MTFR1: variants seen among roughly 807,000 people sequenced by gnomAD.
The protein encoded by MTFR1 is mitochondrial fission regulator 1.
MTFR1 carries 28 observed loss-of-function variants against 38.8 expected under a neutral mutation model. That is an observed-to-expected ratio of 0.72 (90% CI 0.53 to 0.99). The LOEUF is 0.99. MTFR1 is among the 50% of genes least tolerant of loss of function. The pLI is 0.00. For synonymous variants in MTFR1, 145 were observed against 137.0 expected (o/e 1.06, Z -0.41); for missense variants, 358 against 395.5 (o/e 0.91, Z 0.81).
Position 65,733,400 on chromosome 8 carries a change from C to A in MTFR1, c.*48+13919C>A, listed in dbSNP as rs1369730991. Among the ~76,000 whole-genome samples, 4 of 152,268 alleles carry A rather than the reference C, an allele frequency of 2.6e-5. No homozygotes were observed. The East Asian group carries it at 7.7e-4, about 29-fold the overall frequency. On this transcript the variant is annotated intron_variant, in intron 3 of 3. Coordinates refer to the MTFR1 transcript ENST00000521247. ...GATTGTATGGTGATTACTCATCAAT[C>A]TCTCCCACAACATTCTCAAACAGAG... is the stretch of plus-strand genomic sequence containing the variant.
intron 3 of MTFR1, among the ~76,000 whole-genome samples, chr8:65,692,786 T>C (rs1047161642): frequency 6.6e-6 from 1 of 152,032 alleles, no homozygotes; most frequent in Admixed American, 6.6e-5. Flanking sequence ...AAAAAACATT[T>C]TCAACATTAT....
intron 3 of MTFR1, among the ~76,000 whole-genome samples, chr8:65,762,418 TGACATG>T: frequency 6.6e-6 from 1 of 152,310 alleles, no homozygotes; most frequent in Middle Eastern, 3.4e-3. Context: ...CAGCACGTGC[TGACATG>T]GAGAGGCAGA....
At chr8:65,679,271 G>T (rs1026603663) in intron 2 of MTFR1, among the ~76,000 whole-genome samples, 6 of 152,134 alleles carry the variant, frequency 3.9e-5, no homozygotes, top group East Asian at 1.9e-4. Context: ...ACTTACTTTT[G>T]CCCTATGGAT....
chr8:65,719,230 G>C (rs1340981425), intron 2 of MTFR1: 12 of 1,138,428 alleles, frequency 1.1e-5, no homozygotes, highest in Non-Finnish European at 1.5e-5. Context: ...CTCACCTCAA[G>C]ACCCCATTTC....
At position 65,709,043 on chromosome 8, in the gene MTFR1, A is replaced by G; in HGVS notation, c.1001A>G (p.Ter334=). The G allele has an allele frequency of 6.2e-7, 1 of 1,613,908 alleles. No homozygotes were observed. Among genetic ancestry groups the G allele is most frequent in the Non-Finnish European group, 8.5e-7 (1 of 1,179,786 alleles). Residue 334 remains the stop codon, a stop_retained_variant, in exon 8 of 8, where the codon TAA becomes TGA. Transcript: ENST00000262146. ...KALIENVSDS[*] is the part of the protein sequence containing the mutation. ...TTAATTGAAAATGTATCAGACTCCT[A>G]ATAGACAATGAGCTGCGAAAAGACT... is the stretch of plus-strand genomic sequence containing the variant.
chr8:65,682,463 T>C lies in MTFR1; in HGVS notation c.165+12T>C. ...GAGTTCAGTTTCAGGTATTATATTT[T>C]ATATATTTTAAGTATTTTATTAATA... On this transcript the variant is annotated intron_variant, in intron 3 of 7. Transcript: ENST00000262146. 7.8e-7 allele frequency: 1 copy of C among 1,282,532 alleles called. No individual in the cohort carries two copies. Among genetic ancestry groups the C allele is most frequent in the South Asian group, 2.0e-5 (1 of 50,608 alleles). The allele number at this position is 1,282,532 out of a possible 1,614,324, so 79.4% of individuals were successfully genotyped here. A position where few individuals can be genotyped will look rare whatever the true frequency, so the allele number is the denominator to read the frequency against.
downstream of MTFR1, among the ~76,000 whole-genome samples, chr8:65,771,856 C>CTGGG: frequency 8.5e-6 from 1 of 117,000 alleles, no homozygotes. Context: ...GCCTGGGCAA[C>CTGGG]AGATCGAGAC....
downstream of MTFR1, among the ~76,000 whole-genome samples, chr8:65,713,485 A>ACACACACAC (rs1169373621): frequency 2.9e-3 from 346 of 119,442 alleles, no homozygotes; most frequent in African/African-American, 8.7e-3. Flanking sequence ...CACACACACA[A>ACACACACAC]ACAAAACAAA....
intron 3 of MTFR1, chr8:65,726,820 G>T: frequency 1.1e-6 from 1 of 893,296 alleles, no homozygotes; most frequent in Non-Finnish European, 1.8e-6. Context: ...AAATTACTTT[G>T]CCAACTTAAC....
At chr8:65,653,405 G>T (rs1384301583) in intron 1 of MTFR1, among the ~76,000 whole-genome samples, 1 of 152,052 alleles carries the variant, frequency 6.6e-6, no homozygotes, top group Non-Finnish European at 1.5e-5. Flanking sequence ...CCAGCTTCTC[G>T]GGAGGCTGAG....
At chr8:65,736,790 G>GT (rs34814975) in intron 3 of MTFR1, among the ~76,000 whole-genome samples, 85,438 of 128,802 alleles carry the variant, frequency 0.66, 29,367 homozygotes, top group Non-Finnish European at 0.78. Context: ...AAATTTATCT[G>GT]TTTTTTTTTT....
chr8:65,750,975 C>T (rs1021637835), intron 3 of MTFR1, among the ~76,000 whole-genome samples: 1 of 152,102 alleles, frequency 6.6e-6, no homozygotes, highest in Non-Finnish European at 1.5e-5. Context: ...CATAAAGAAA[C>T]CTACATAACA....
intron 2 of MTFR1, chr8:65,679,770 A>T (rs1032484476): frequency 2.0e-5 from 3 of 152,122 alleles, no homozygotes; most frequent in Non-Finnish European, 4.4e-5. Context: ...CTCTAGTCAG[A>T]TGTTTTCCTT....
intron 2 of MTFR1, among the ~76,000 whole-genome samples, chr8:65,680,792 ATTTTG>A (rs1395359540): frequency 2.0e-5 from 3 of 146,552 alleles, no homozygotes; most frequent in African/African-American, 5.1e-5. Context: ...TTGAGTTTTT[ATTTTG>A]TTTTATTTTT....
intron 3 of MTFR1, among the ~76,000 whole-genome samples, chr8:65,767,993 C>A (rs189242099): frequency 6.6e-6 from 1 of 152,198 alleles, no homozygotes; most frequent in East Asian, 1.9e-4. Context: ...GGTTTAGGAA[C>A]TGAGCCCTTA....
intron 1 of MTFR1, among the ~76,000 whole-genome samples, chr8:65,657,899 T>C (rs1307427669): frequency 1.3e-5 from 2 of 152,198 alleles, no homozygotes; most frequent in East Asian, 3.8e-4. Flanking sequence ...ATCTCAAACA[T>C]TTATCATTTC....
chr8:65,667,031 T>TG (rs1585756634), intron 1 of MTFR1, among the ~76,000 whole-genome samples: 1 of 152,272 alleles, frequency 6.6e-6, no homozygotes, highest in East Asian at 1.9e-4. Context: ...CCCAGCACTT[T>TG]GGGAGGCTGA....
intron 1 of MTFR1, among the ~76,000 whole-genome samples, chr8:65,669,394 G>A (rs1355791291): frequency 2.0e-5 from 3 of 152,202 alleles, no homozygotes; most frequent in South Asian, 4.1e-4. Context: ...TTTCATAAAT[G>A]TATTTTTTAC....
intron 4 of MTFR1, among the ~76,000 whole-genome samples, chr8:65,700,944 C>T (rs1486405094): frequency 6.6e-6 from 1 of 152,168 alleles, no homozygotes; most frequent in Admixed American, 6.5e-5. Flanking sequence ...CTCTGCTCAC[C>T]TGAGACAAAT....
Sources: gnomAD v4.1 joint callset for allele counts (sites outside exome capture counted in the v4.1 genomes callset) on GRCh38, gnomAD v4.1.1 for gene constraint, MANE v1.5 for transcripts, NCBI Gene and HGNC (gene_info 2026-07-23, HGNC 2026-07-21) for gene names.